Variants in NCKAP5 observed in about 807,000 individuals in gnomAD.
NCKAP5 encodes the protein NCK associated protein 5, also known as nck-associated protein 5.
Under a neutral mutation model 167.0 loss-of-function variants are expected in NCKAP5, and 92 were observed. That is an observed-to-expected ratio of 0.55 (90% confidence interval 0.47 to 0.66). The LOEUF (loss-of-function observed/expected upper bound fraction) is 0.66. NCKAP5 is among the 30% of genes least tolerant of loss of function. NCKAP5 has a pLI of 0.00. For missense variants in NCKAP5, 2,378 were observed against 2,315.0 expected (o/e 1.03, Z -0.56); for synonymous variants, 891 against 877.4 (o/e 1.02, Z -0.27).
the NCKAP5 span, chr2:133,596,176 T>A: frequency 6.3e-6 from 1 of 158,674 alleles, no homozygotes; most frequent in Admixed American, 6.5e-5. Flanking sequence ...TAGGCGGGTG[T>A]CCCCTTCCTC....
At chr2:133,656,278 A>C in the NCKAP5 span, among the ~76,000 whole-genome samples, 22 of 141,920 alleles carry the variant, frequency 1.6e-4, no homozygotes, top group African/African-American at 4.3e-4. Flanking sequence ...CAAACAAAAA[A>C]AAAAAAAAAC....
intron 8 of NCKAP5, among the ~76,000 whole-genome samples, chr2:132,889,406 G>C (rs533538781): frequency 5.3e-5 from 8 of 152,144 alleles, no homozygotes; most frequent in African/African-American, 1.7e-4. Flanking sequence ...CTGGTCCTTT[G>C]CTGTACCTGC....
intron 3 of NCKAP5, among the ~76,000 whole-genome samples, chr2:133,497,905 T>C (rs534437778): frequency 1.3e-5 from 2 of 152,240 alleles, no homozygotes; most frequent in South Asian, 4.2e-4. Flanking sequence ...TTCTCAAAGA[T>C]AGAAAGAACC....
chr2:133,001,215 C>G (rs1003175211), intron 6 of NCKAP5, among the ~76,000 whole-genome samples: 2 of 134,428 alleles, frequency 1.5e-5, no homozygotes, highest in South Asian at 4.8e-4. Context: ...CTTTGACTTA[C>G]TTTTTTTTTT....
intron 5 of NCKAP5, among the ~76,000 whole-genome samples, chr2:133,210,227 A>C (rs1261492365): frequency 1.3e-5 from 2 of 150,462 alleles, no homozygotes; most frequent in Admixed American, 6.6e-5. Flanking sequence ...ATGTAAAATA[A>C]ATCTCTCAAA....
intron 7 of NCKAP5, among the ~76,000 whole-genome samples, chr2:132,967,811 T>A (rs1484016147): frequency 1.3e-5 from 2 of 152,146 alleles, no homozygotes; most frequent in Non-Finnish European, 2.9e-5. Context: ...ATATAAGGTA[T>A]TAGTAGCTGG....
intron 3 of NCKAP5, among the ~76,000 whole-genome samples, chr2:133,372,491 A>G (rs1685868740): frequency 6.6e-6 from 1 of 152,134 alleles, no homozygotes; most frequent in Non-Finnish European, 1.5e-5. Flanking sequence ...TCCAAATCCC[A>G]TGTTTCTTTT....
chr2:132,880,523 G>A (rs1046422515), intron 8 of NCKAP5, among the ~76,000 whole-genome samples: 9 of 152,184 alleles, frequency 5.9e-5, no homozygotes, highest in Admixed American at 3.9e-4. Flanking sequence ...CCAGCTATTC[G>A]GGAGAATGAG....
intron 7 of NCKAP5, among the ~76,000 whole-genome samples, chr2:132,976,819 C>A (rs936820237): frequency 6.6e-6 from 1 of 151,766 alleles, no homozygotes; most frequent in African/African-American, 2.4e-5. Flanking sequence ...AATTCTATCT[C>A]TGTTCTCTAG....
chr2:132,969,112 A>T (rs1253872980), intron 7 of NCKAP5, among the ~76,000 whole-genome samples: 1 of 152,092 alleles, frequency 6.6e-6, no homozygotes, highest in Admixed American at 6.5e-5. Context: ...ATCTCGGCTC[A>T]CTGCAACCTC....
At chr2:133,404,884 C>T (rs1308787731) in intron 3 of NCKAP5, among the ~76,000 whole-genome samples, 3 of 152,140 alleles carry the variant, frequency 2.0e-5, no homozygotes, top group Non-Finnish European at 2.9e-5. Context: ...ACTTTTCCTC[C>T]GTCTATCAGT....
chr2:133,440,137 A>G (rs912910682), intron 3 of NCKAP5, among the ~76,000 whole-genome samples: 1 of 152,110 alleles, frequency 6.6e-6, no homozygotes, highest in Non-Finnish European at 1.5e-5. Flanking sequence ...ATAGCACAAA[A>G]CACATAGTAG....
At chr2:132,984,625 G>C (rs1352766218) in intron 7 of NCKAP5, among the ~76,000 whole-genome samples, 1 of 152,106 alleles carries the variant, frequency 6.6e-6, no homozygotes, top group Non-Finnish European at 1.5e-5. Context: ...TTACCATATA[G>C]CAGAGATCTC....
intron 4 of NCKAP5, among the ~76,000 whole-genome samples, chr2:133,276,450 G>A (rs16823003): frequency 0.099 from 14,973 of 151,852 alleles, 895 homozygotes; most frequent in East Asian, 0.25. Flanking sequence ...CTTTATAGAC[G>A]TCATATACAT....
At chr2:133,100,906 A>C (rs2081492834) in intron 6 of NCKAP5, among the ~76,000 whole-genome samples, 1 of 152,178 alleles carries the variant, frequency 6.6e-6, no homozygotes, top group African/African-American at 2.4e-5. Context: ...CTTTAGTTTA[A>C]TTAGATCCCA....
intron 5 of NCKAP5, among the ~76,000 whole-genome samples, chr2:133,209,671 A>G (rs1361453799): frequency 6.6e-6 from 1 of 152,000 alleles, no homozygotes; most frequent in Non-Finnish European, 1.5e-5. Flanking sequence ...CAGATCAGAA[A>G]AGGAACATTG....
At chr2:133,143,854 T>C (rs13427795) in intron 5 of NCKAP5, among the ~76,000 whole-genome samples, 9,694 of 151,950 alleles carry the variant, frequency 0.064, 391 homozygotes, top group East Asian at 0.17. Context: ...CCACAGTAAG[T>C]AAATAGCAGA....
intron 5 of NCKAP5, among the ~76,000 whole-genome samples, chr2:133,186,151 T>C (rs1233555414): frequency 6.6e-6 from 1 of 152,008 alleles, no homozygotes; most frequent in African/African-American, 2.4e-5. Flanking sequence ...GCCTAGTCTG[T>C]TGAGGGTTTT....
chr2:133,376,487 C>G (rs1686153599), intron 3 of NCKAP5, among the ~76,000 whole-genome samples: 1 of 152,132 alleles, frequency 6.6e-6, no homozygotes, highest in Admixed American at 6.6e-5. Flanking sequence ...TTGTTTCCAT[C>G]CTCATAGCCA....
Sources: allele counts gnomAD v4.1 joint callset (sites outside exome capture counted in the v4.1 genomes callset), GRCh38; gene constraint gnomAD v4.1.1; transcripts MANE v1.5; gene names NCBI Gene and HGNC (gene_info 2026-07-23, HGNC 2026-07-21).